AP2B1: variants seen among roughly 807,000 people sequenced by gnomAD.
AP2B1 encodes the protein AP-2 complex subunit beta.
In AP2B1, 23 loss-of-function variants were observed where a neutral mutation model predicts 102.0. The ratio of observed to expected loss-of-function variants is 0.23; its 90% confidence interval spans 0.16 to 0.32. The LOEUF is 0.32. AP2B1 is among the 10% of genes least tolerant of loss of function. The pLI, the probability that AP2B1 is intolerant of heterozygous loss-of-function variation, is 1.00. For synonymous variants in AP2B1, 381 were observed against 421.2 expected (o/e 0.90, Z 1.17); for missense variants, 541 against 1,157.4 (o/e 0.47, Z 7.73).
chr17:35,621,447 G>C lies in AP2B1; in HGVS notation c.526-2950G>C. The C allele has an allele frequency of 6.2e-6, 4 of 642,500 alleles. No homozygotes were observed. The South Asian group carries it at 2.8e-4, about 45-fold the overall frequency. The allele number at this position is 642,500 out of a possible 1,614,324, so 39.8% of individuals were successfully genotyped here. A position where few individuals can be genotyped will look rare whatever the true frequency, so the allele number is the denominator to read the frequency against. Reference sequence around the variant, plus strand: ...ATGAAAGTGTAGAGATAGGATGGAAGGAACTTCAAGAAATTTTAGAGAAAC... The same window carrying C: ...ATGAAAGTGTAGAGATAGGATGGAACGAACTTCAAGAAATTTTAGAGAAAC... On this transcript the variant is annotated intron_variant, in intron 5 of 21. Transcript: ENST00000610402.
chr17:35,596,926 C>CGA, intron 2 of AP2B1: 1 of 708,652 alleles, frequency 1.4e-6, no homozygotes, highest in African/African-American at 1.8e-5. Flanking sequence ...CCCCGATGCC[C>CGA]TATGCCAGGA....
chr17:35,641,655 G>A (rs1300059612), intron 11 of AP2B1, among the ~76,000 whole-genome samples: 1 of 152,158 alleles, frequency 6.6e-6, no homozygotes, highest in African/African-American at 2.4e-5. Flanking sequence ...AATGCATTTC[G>A]AGGTTAAAAG....
Position 35,726,282 on chromosome 17 carries a change from G to T in AP2B1, c.*2583G>T, listed in dbSNP as rs782193736. 6.6e-6 allele frequency: 1 copy of T among 151,592 alleles called. No homozygotes were observed. The highest frequency in any genetic ancestry group is 1.5e-5 in the Non-Finnish European group (1 of 67,906). The allele number at this position is 151,592 out of a possible 1,614,324, so 9.4% of individuals were successfully genotyped here. A position where few individuals can be genotyped will look rare whatever the true frequency, so the allele number is the denominator to read the frequency against. Reference sequence around the variant, plus strand: ...AGACTCTGGAAAGAAATGGGGAGGGGGGGCAGGGGAAATGTTGCCCTAAGA... The same window carrying T: ...AGACTCTGGAAAGAAATGGGGAGGGTGGGCAGGGGAAATGTTGCCCTAAGA... On this transcript the variant is annotated 3_prime_UTR_variant, in exon 22 of 22. Transcript: ENST00000610402.
intron 18 of AP2B1, among the ~76,000 whole-genome samples, chr17:35,692,476 A>G (rs1328856570): frequency 1.3e-5 from 2 of 152,158 alleles, no homozygotes; most frequent in Admixed American, 6.5e-5. Flanking sequence ...GAGGACTTTG[A>G]ATTCTGGACG....
chr17:35,722,201 G>A (rs1389721844), intron 21 of AP2B1, among the ~76,000 whole-genome samples: 3 of 152,252 alleles, frequency 2.0e-5, no homozygotes, highest in Middle Eastern at 3.4e-3. Context: ...CTGAGATCAC[G>A]CCACTGCACT....
intron 1 of AP2B1, among the ~76,000 whole-genome samples, chr17:35,592,523 C>G (rs1030957260): frequency 6.6e-6 from 1 of 151,526 alleles, no homozygotes. Flanking sequence ...TGAGCCACCG[C>G]GCCTGGCCCA....
rs1241865354 is a variant in AP2B1 at position 35,703,863 on chromosome 17, G to A, written c.2455-5361G>A. Among the ~76,000 whole-genome samples the A allele has an allele frequency of 1.1e-4, 6 of 56,914 alleles. No individual in the cohort carries two copies. In the Admixed American group the frequency reaches 1.1e-3, roughly 10 times the overall value. 37.3% of individuals were successfully genotyped at this position (56,914 alleles called of 152,430 possible). ...TCAGTTTTAGACATATTCTTTTTGA[G>A]CAACCTATTATCCAAGTGAAGATAT... is the stretch of plus-strand genomic sequence containing the variant. On this transcript the variant is annotated intron_variant, in intron 18 of 21. Coordinates refer to ENST00000610402, the MANE Select transcript of AP2B1 (RefSeq NM_001030006.2).
chr17:35,698,121 GT>G (rs1312370252), intron 18 of AP2B1, among the ~76,000 whole-genome samples: 1 of 152,130 alleles, frequency 6.6e-6, no homozygotes, highest in Non-Finnish European at 1.5e-5. Flanking sequence ...TCAATATCAG[GT>G]TTTTCTTTAC....
intron 9 of AP2B1, 41 bp downstream of exon 9, chr17:35,627,767 C>A: frequency 6.7e-7 from 1 of 1,485,206 alleles, no homozygotes; most frequent in Non-Finnish European, 9.2e-7. Flanking sequence ...ATTGGGGATT[C>A]TGAGAGTTCT....
intron 14 of AP2B1, among the ~76,000 whole-genome samples, chr17:35,665,615 C>G (rs572996324): frequency 6.6e-6 from 1 of 152,272 alleles, no homozygotes; most frequent in East Asian, 1.9e-4. Context: ...TCATTGTATA[C>G]TATTTTTGCA....
chr17:35,615,249 A>G (rs903043115), intron 5 of AP2B1, among the ~76,000 whole-genome samples: 1 of 152,230 alleles, frequency 6.6e-6, no homozygotes, highest in East Asian at 1.9e-4. Flanking sequence ...GTTGTCTTAT[A>G]TGTAAAACTG....
intron 3 of AP2B1, among the ~76,000 whole-genome samples, chr17:35,605,394 A>G (rs2073640813): frequency 6.6e-6 from 1 of 151,906 alleles, no homozygotes; most frequent in Non-Finnish European, 1.5e-5. Context: ...GATTACAGAC[A>G]TGCACCACCA....
chr17:35,659,914 C>T, intron 14 of AP2B1: 4 of 985,356 alleles, frequency 4.1e-6, no homozygotes, highest in Non-Finnish European at 4.8e-6. Flanking sequence ...ATCAAGGTTC[C>T]TTTTTCGAGA....
chr17:35,654,462 A>C (rs1470598952), intron 13 of AP2B1, among the ~76,000 whole-genome samples: 1 of 152,206 alleles, frequency 6.6e-6, no homozygotes, highest in Admixed American at 6.5e-5. Flanking sequence ...CAGCTTTAGC[A>C]GTTATCAGTA....
chr17:35,709,153 A>C, intron 18 of AP2B1, 71 bp from the exon 19 acceptor site: 11 of 1,288,818 alleles, frequency 8.5e-6, no homozygotes, highest in Non-Finnish European at 1.2e-5. Flanking sequence ...ATTTCTAGAC[A>C]CAGCGCTGTT....
At chr17:35,722,530 C>A (rs1453850960) in intron 21 of AP2B1, among the ~76,000 whole-genome samples, 26 of 151,974 alleles carry the variant, frequency 1.7e-4, no homozygotes, top group Admixed American at 1.7e-3. Flanking sequence ...TTTACTTTAA[C>A]TTTTTAGGTT....
rs117946000 is a variant in AP2B1 at position 35,638,928 on chromosome 17, C to T, written c.1272-667C>T. Reference sequence around the variant, plus strand: ...TAAAAATAAAGTGGAATTTCTGTTCCTCTCTACCATGAAGGCAAAATGGAA... The same window carrying T: ...TAAAAATAAAGTGGAATTTCTGTTCTTCTCTACCATGAAGGCAAAATGGAA... On this transcript the variant is annotated intron_variant, in intron 10 of 21. Coordinates refer to ENST00000610402, the MANE Select transcript of AP2B1 (RefSeq NM_001030006.2). Among the ~76,000 whole-genome samples the T allele has an allele frequency of 4.5e-3, 686 of 152,208 alleles. 2 individuals carry two copies. Among genetic ancestry groups the T allele is most frequent in the Middle Eastern group, 6.8e-3 (2 of 294 alleles).
At chr17:35,666,746 T>C (rs190632632) in intron 14 of AP2B1, among the ~76,000 whole-genome samples, 1 of 152,310 alleles carries the variant, frequency 6.6e-6, no homozygotes, top group African/African-American at 2.4e-5. Flanking sequence ...GGATAACAGA[T>C]ATCACTCTGA....
intron 14 of AP2B1, among the ~76,000 whole-genome samples, chr17:35,659,532 G>A (rs2075311550): frequency 6.6e-6 from 1 of 152,140 alleles, no homozygotes; most frequent in African/African-American, 2.4e-5. Flanking sequence ...TTGTATCAAA[G>A]GGAAAAGCTG....
Sources: gnomAD v4.1 joint callset for allele counts (sites outside exome capture counted in the v4.1 genomes callset) on GRCh38, gnomAD v4.1.1 for gene constraint, MANE v1.5 for transcripts, NCBI Gene and HGNC (gene_info 2026-07-23, HGNC 2026-07-21) for gene names.